HEMK2: variants seen among roughly 807,000 people sequenced by gnomAD.
HEMK2 encodes methyltransferase HEMK2.
At chr21:28,706,548 G>C in the HEMK2 span, among the ~76,000 whole-genome samples, 2 of 152,052 alleles carry the variant, frequency 1.3e-5, no homozygotes. Context: ...TACCTCTTCA[G>C]TTTTCTCTAC....
At chr21:28,876,850 T>C in the HEMK2 span, among the ~76,000 whole-genome samples, 57 of 152,122 alleles carry the variant, frequency 3.7e-4, no homozygotes, top group African/African-American at 1.3e-3. Context: ...CAAAAGCCAA[T>C]GAAGGTGTGG....
the HEMK2 span, among the ~76,000 whole-genome samples, chr21:28,856,104 C>G: frequency 1.3e-5 from 2 of 152,048 alleles, no homozygotes; most frequent in Non-Finnish European, 2.9e-5. Context: ...TGTTGGGCAC[C>G]TTTGGCAGCT....
the HEMK2 span, among the ~76,000 whole-genome samples, chr21:28,602,200 T>C: frequency 1.3e-5 from 2 of 152,196 alleles, no homozygotes; most frequent in African/African-American, 2.4e-5. Flanking sequence ...CTTAAATATA[T>C]GGACTGTGTT....
At chr21:28,585,246 C>T in the HEMK2 span, among the ~76,000 whole-genome samples, 4 of 151,906 alleles carry the variant, frequency 2.6e-5, no homozygotes, top group African/African-American at 9.7e-5. Context: ...GCAGGAGAAT[C>T]GCTTGAACCT....
At chr21:28,829,326 G>A in the HEMK2 span, among the ~76,000 whole-genome samples, 6,942 of 152,234 alleles carry the variant, frequency 0.046, 218 homozygotes, top group East Asian at 0.16. Context: ...AACCTTTAAT[G>A]CAACAGTGTT....
chr21:28,597,657 C>T, the HEMK2 span, among the ~76,000 whole-genome samples: 2 of 152,074 alleles, frequency 1.3e-5, no homozygotes, highest in African/African-American at 4.8e-5. Context: ...ATCAAAAGGA[C>T]ATTTGCCAGT....
the HEMK2 span, among the ~76,000 whole-genome samples, chr21:28,871,878 T>G: frequency 6.6e-6 from 1 of 152,172 alleles, no homozygotes; most frequent in Non-Finnish European, 1.5e-5. Context: ...GCCTCTGTCT[T>G]CATATGGCCC....
At chr21:28,680,158 A>C in the HEMK2 span, among the ~76,000 whole-genome samples, 1 of 152,218 alleles carries the variant, frequency 6.6e-6, no homozygotes, top group African/African-American at 2.4e-5. Flanking sequence ...TGCTAGCAAG[A>C]CTAATAAAGA....
chr21:28,823,453 C>T, the HEMK2 span, among the ~76,000 whole-genome samples: 13 of 152,136 alleles, frequency 8.5e-5, no homozygotes, highest in Admixed American at 7.9e-4. Flanking sequence ...GTGTGCTCTG[C>T]TAATTTCTTT....
chr21:28,665,387 A>ATTTTTTTTTTTTT, the HEMK2 span, among the ~76,000 whole-genome samples: 7 of 14,416 alleles, frequency 4.9e-4, no homozygotes, highest in Non-Finnish European at 5.4e-4. Context: ...TTTTTTTTTA[A>ATTTTTTTTTTTTT]TTTTTTTTTT....
At chr21:28,765,255 T>C in the HEMK2 span, among the ~76,000 whole-genome samples, 28 of 152,072 alleles carry the variant, frequency 1.8e-4, no homozygotes, top group Non-Finnish European at 3.4e-4. Flanking sequence ...CCTTCCCCAA[T>C]TGAGTTTCAG....
At chr21:28,869,627 C>A in the HEMK2 span, among the ~76,000 whole-genome samples, 3 of 152,200 alleles carry the variant, frequency 2.0e-5, no homozygotes, top group African/African-American at 7.2e-5. Flanking sequence ...GCATAATCTT[C>A]CTCTTTTTTC....
chr21:28,857,964 G>A, the HEMK2 span, among the ~76,000 whole-genome samples: 1 of 152,176 alleles, frequency 6.6e-6, no homozygotes, highest in South Asian at 2.1e-4. Context: ...AACAGGAACA[G>A]GCCTCTTGTT....
chr21:28,639,068 A>T, the HEMK2 span, among the ~76,000 whole-genome samples: 1 of 152,226 alleles, frequency 6.6e-6, no homozygotes, highest in East Asian at 1.9e-4. Flanking sequence ...CAAGAAAGCC[A>T]GTTAGGAGAT....
At chr21:28,722,035 T>C in the HEMK2 span, among the ~76,000 whole-genome samples, 3 of 151,950 alleles carry the variant, frequency 2.0e-5, no homozygotes, top group Non-Finnish European at 4.4e-5. Flanking sequence ...TCTCTGAAGA[T>C]ATAAAAAGAA....
the HEMK2 span, among the ~76,000 whole-genome samples, chr21:28,624,546 A>G: frequency 2.0e-5 from 3 of 152,174 alleles, no homozygotes; most frequent in African/African-American, 7.2e-5. Context: ...TTAGGGCATG[A>G]TGACACCCAC....
the HEMK2 span, among the ~76,000 whole-genome samples, chr21:28,828,004 T>A: frequency 6.6e-6 from 1 of 152,214 alleles, no homozygotes. Context: ...TATATGTATA[T>A]GTAATGTAGA....
the HEMK2 span, among the ~76,000 whole-genome samples, chr21:28,702,318 A>G: frequency 1.3e-5 from 2 of 152,200 alleles, no homozygotes; most frequent in African/African-American, 4.8e-5. Flanking sequence ...ACAAAAAAAA[A>G]AAATTGACAA....
At chr21:28,828,199 G>A in the HEMK2 span, among the ~76,000 whole-genome samples, 1 of 152,162 alleles carries the variant, frequency 6.6e-6, no homozygotes, top group Admixed American at 6.5e-5. Flanking sequence ...GACTACAGGT[G>A]ATGGAAACAG....
Sources: allele counts gnomAD v4.1 joint callset (sites outside exome capture counted in the v4.1 genomes callset), GRCh38; gene constraint gnomAD v4.1.1; transcripts MANE v1.5; gene names NCBI Gene and HGNC (gene_info 2026-07-23, HGNC 2026-07-21).